Variants in SLC25A28 observed in about 807,000 individuals in gnomAD.
SLC25A28 encodes solute carrier family 25 member 28.
Under a neutral mutation model 31.9 loss-of-function variants are expected in SLC25A28, and 10 were observed. The ratio of observed to expected loss-of-function variants is 0.31; its 90% CI spans 0.19 to 0.53. The LOEUF is 0.53. SLC25A28 is among the 20% of genes least tolerant of loss of function. The pLI is 0.95. For synonymous variants in SLC25A28, 208 were observed against 203.6 expected (o/e 1.02, Z -0.19); for missense variants, 256 against 490.3 (o/e 0.52, Z 4.51).
At position 99,610,909 on chromosome 10, in the gene SLC25A28, C is replaced by G; in HGVS notation, c.1035G>C (p.Val345=). Reference sequence around the variant, plus strand: ...TGATTAGGTATTTGAAGAACTCATACACAGACCATGCGATGGCTGTGGAGG... The same window carrying G: ...TGATTAGGTATTTGAAGAACTCATAGACAGACCATGCGATGGCTGTGGAGG... ...QIPSTAIAWS[V]YEFFKYLITK... Residue 345 remains valine (V), a synonymous_variant, in exon 4 of 4, where the codon GTG becomes GTC. Transcript: ENST00000370495. The G allele has an allele frequency of 6.2e-7, 1 of 1,614,224 alleles. No individual in the cohort carries two copies. Among genetic ancestry groups the G allele is most frequent in the Non-Finnish European group, 8.5e-7 (1 of 1,180,032 alleles).
At chr10:99,633,254 T>C in the SLC25A28 span, among the ~76,000 whole-genome samples, 1 of 152,202 alleles carries the variant, frequency 6.6e-6, no homozygotes, top group Non-Finnish European at 1.5e-5. Flanking sequence ...ACATTTTTAT[T>C]ACAGGCACAT....
rs2034760307 is a variant in SLC25A28 at position 99,620,358 on chromosome 10, C to T, written c.-23G>A. ...CATCCACCCGGGCCAGCTGCGGCGCCCACCCCCGCCGCCGCTGCCACCACT... is the reference window on the plus strand; with the variant it reads ...CATCCACCCGGGCCAGCTGCGGCGCTCACCCCCGCCGCCGCTGCCACCACT... On this transcript the variant is annotated 5_prime_UTR_variant, in exon 1 of 4. Transcript: ENST00000370495. The T allele has an allele frequency of 1.8e-6, 2 of 1,107,890 alleles. No individual in the cohort carries two copies. The highest frequency in any genetic ancestry group is 2.2e-6 in the Non-Finnish European group (2 of 909,208). 68.6% of individuals were successfully genotyped at this position (1,107,890 alleles called of 1,614,324 possible). A position where few individuals can be genotyped will look rare whatever the true frequency, so the allele number is the denominator to read the frequency against.
the SLC25A28 span, among the ~76,000 whole-genome samples, chr10:99,625,690 G>A: frequency 6.6e-6 from 1 of 152,214 alleles, no homozygotes; most frequent in Non-Finnish European, 1.5e-5. Context: ...AACATTGGAG[G>A]TGTGACTAAG....
chr10:99,620,982 T>C (rs1265673896), upstream of SLC25A28: 13 of 985,094 alleles, frequency 1.3e-5, no homozygotes, highest in African/African-American at 1.7e-5. Flanking sequence ...CTGAGACGCG[T>C]GGCTGGAGAG....
the SLC25A28 span, among the ~76,000 whole-genome samples, chr10:99,637,357 C>T: frequency 6.6e-6 from 1 of 152,176 alleles, no homozygotes; most frequent in Non-Finnish European, 1.5e-5. Context: ...AAGTTGAAAG[C>T]ATTCCCTCTG....
chr10:99,625,518 A>G (rs1336701703), upstream of SLC25A28, among the ~76,000 whole-genome samples: 2 of 152,100 alleles, frequency 1.3e-5, no homozygotes, highest in African/African-American at 4.8e-5. Context: ...CATTCCCAGT[A>G]CAATTGTTTT....
At chr10:99,617,855 T>A in intron 1 of SLC25A28, 1 of 820,762 alleles carries the variant, frequency 1.2e-6, no homozygotes, top group Non-Finnish European at 1.5e-6. Context: ...AAAGTTTATG[T>A]AAATGAGTAA....
intron 1 of SLC25A28, chr10:99,617,366 C>T: frequency 1.0e-6 from 1 of 985,422 alleles, no homozygotes; most frequent in Non-Finnish European, 1.2e-6. Context: ...GTCAACTTGA[C>T]CCTGATAAGT....
At chr10:99,645,074 G>A in the SLC25A28 span, among the ~76,000 whole-genome samples, 2 of 152,140 alleles carry the variant, frequency 1.3e-5, no homozygotes, top group South Asian at 4.1e-4. Context: ...GGTGTTCTCT[G>A]TATTTCCTGA....
Position 99,618,606 on chromosome 10 carries a change from C to G in SLC25A28, c.291+1439G>C, listed in dbSNP as rs1036362002. The G allele has an allele frequency of 3.0e-6, 3 of 985,252 alleles. No individual in the cohort carries two copies. The African/African-American group carries it at 5.2e-5, about 17-fold the overall frequency. The allele number at this position is 985,252 out of a possible 1,614,324, so 61.0% of individuals were successfully genotyped here. On this transcript the variant is annotated intron_variant, in intron 1 of 3. Coordinates refer to ENST00000370495, the MANE Select transcript of SLC25A28 (RefSeq NM_031212.4). ...TGTTACTTCTCTCTCATGGATTTTA[C>G]AGTTTATTTCTATTTCTCCCAATTG...
At chr10:99,657,354 T>C in the SLC25A28 span, among the ~76,000 whole-genome samples, 1 of 152,222 alleles carries the variant, frequency 6.6e-6, no homozygotes, top group African/African-American at 2.4e-5. Flanking sequence ...TTCTAGGAAC[T>C]GAACTGGGTT....
At chr10:99,634,936 C>T in the SLC25A28 span, among the ~76,000 whole-genome samples, 1 of 152,238 alleles carries the variant, frequency 6.6e-6, no homozygotes, top group Non-Finnish European at 1.5e-5. Context: ...ATCAGATTAA[C>T]AGCAGATTTC....
chr10:99,636,705 T>C, the SLC25A28 span, among the ~76,000 whole-genome samples: 1 of 152,136 alleles, frequency 6.6e-6, no homozygotes, highest in Non-Finnish European at 1.5e-5. Flanking sequence ...GATGGATAAA[T>C]ACCTGGAAAA....
chr10:99,635,511 C>T, the SLC25A28 span, among the ~76,000 whole-genome samples: 1 of 39,764 alleles, frequency 2.5e-5, no homozygotes, highest in Non-Finnish European at 6.5e-5. Flanking sequence ...GAAACCCTGT[C>T]TCTACTAAAT....
At chr10:99,650,354 A>T in the SLC25A28 span, among the ~76,000 whole-genome samples, 1 of 151,946 alleles carries the variant, frequency 6.6e-6, no homozygotes, top group Non-Finnish European at 1.5e-5. Flanking sequence ...ATTTTTAAAA[A>T]TTTTCTGTAG....
chr10:99,631,678 T>A, the SLC25A28 span, among the ~76,000 whole-genome samples: 8 of 152,152 alleles, frequency 5.3e-5, no homozygotes, highest in East Asian at 1.5e-3. Context: ...AAAATGAGAA[T>A]GGGAAGGATA....
chr10:99,624,068 CTCTT>C (rs1428400520), upstream of SLC25A28, among the ~76,000 whole-genome samples: 12 of 150,746 alleles, frequency 8.0e-5, no homozygotes, highest in African/African-American at 2.9e-4. Flanking sequence ...TTCCTTCCTT[CTCTT>C]TCTTCCTTCC....
chr10:99,617,383 G>A, intron 1 of SLC25A28: 1 of 985,420 alleles, frequency 1.0e-6, no homozygotes. Context: ...AAGTAGCTGA[G>A]GATGGACAGG....
intron 1 of SLC25A28, chr10:99,617,563 G>T: frequency 1.0e-6 from 1 of 985,418 alleles, no homozygotes; most frequent in Non-Finnish European, 1.2e-6. Flanking sequence ...AGCAAACTGG[G>T]AAGTCTTTTC....
Sources: allele counts gnomAD v4.1 joint callset (sites outside exome capture counted in the v4.1 genomes callset), GRCh38; gene constraint gnomAD v4.1.1; transcripts MANE v1.5; gene names NCBI Gene and HGNC (gene_info 2026-07-23, HGNC 2026-07-21).